Variants in CDH13 observed in about 807,000 individuals in gnomAD.
CDH13 encodes the protein cadherin 13, also known as cadherin-13.
Under a neutral mutation model 63.8 loss-of-function variants are expected in CDH13, and 24 were observed. The ratio of observed to expected loss-of-function variants is 0.38; its 90% CI spans 0.27 to 0.53. The LOEUF (loss-of-function observed/expected upper bound fraction) is 0.53. CDH13 is among the 20% of genes least tolerant of loss of function. The pLI, the probability that CDH13 is intolerant of heterozygous loss-of-function variation, is 0.85. For missense variants in CDH13, 1,049 were observed against 903.1 expected (o/e 1.16, Z -2.07); for synonymous variants, 503 against 355.3 (o/e 1.42, Z -4.67).
intron 6 of CDH13, among the ~76,000 whole-genome samples, chr16:83,479,035 A>C (rs1161798563): frequency 6.6e-6 from 1 of 152,160 alleles, no homozygotes; most frequent in Non-Finnish European, 1.5e-5. Context: ...GATCCCTATC[A>C]GGTTGGTTGG....
At chr16:82,803,340 C>A (rs550465234) in intron 1 of CDH13, among the ~76,000 whole-genome samples, 9 of 152,132 alleles carry the variant, frequency 5.9e-5, no homozygotes, top group Non-Finnish European at 1.3e-4. Context: ...ATTTATTGGG[C>A]CTTCTTTATC....
At chr16:83,421,154 C>T (rs980521034) in intron 6 of CDH13, among the ~76,000 whole-genome samples, 4 of 151,826 alleles carry the variant, frequency 2.6e-5, no homozygotes, top group Non-Finnish European at 4.4e-5. Context: ...TATTCCAGTA[C>T]TGGAGGAGAA....
rs153648 is a variant in CDH13, at chr16:83,779,639, A to G, written c.1682-329A>G. On this transcript the variant is annotated intron_variant, in intron 11 of 13. Coordinates refer to ENST00000567109, the MANE Select transcript of CDH13 (RefSeq NM_001257.5). ...GGAGTTTGAAATCAGCCTGGGTAAC[A>G]TAGTGAGACACCGTCTCTACAAAAA... 0.26 allele frequency among the ~76,000 whole-genome samples: 39,747 copies of G among 151,878 alleles called. 5,525 individuals carry two copies. The highest frequency in any genetic ancestry group is 0.31 in the Non-Finnish European group (21,289 of 67,932).
intron 4 of CDH13, among the ~76,000 whole-genome samples, chr16:83,201,554 G>C (rs1011700989): frequency 2.6e-5 from 4 of 152,032 alleles, no homozygotes; most frequent in African/African-American, 9.7e-5. Context: ...AAGGGGGCTG[G>C]GATACTTCAG....
At chr16:83,342,133 T>C (rs1363217975) in intron 5 of CDH13, among the ~76,000 whole-genome samples, 3 of 152,100 alleles carry the variant, frequency 2.0e-5, no homozygotes, top group African/African-American at 7.2e-5. Context: ...CTCAAAACGT[T>C]CCTAGTTTGA....
intron 7 of CDH13, among the ~76,000 whole-genome samples, chr16:83,556,965 G>A (rs553057005): frequency 6.6e-6 from 1 of 152,144 alleles, no homozygotes; most frequent in Non-Finnish European, 1.5e-5. Flanking sequence ...CTACATAAGG[G>A]GTCCCCGACC....
Position 82,647,914 on chromosome 16 carries a change from T to A in CDH13, c.45+20777T>A, listed in dbSNP as rs573154085. ...CCCATGTGTCATGGGAGGGACCCTG[T>A]CGGGGGTAACTGAAGCTTAGGGGCA... On this transcript the variant is annotated intron_variant, in intron 1 of 13. Coordinates refer to ENST00000567109, the MANE Select transcript of CDH13 (RefSeq NM_001257.5). Among the ~76,000 whole-genome samples, 718 of 152,276 alleles carry A rather than the reference T, an allele frequency of 4.7e-3. 6 individuals are homozygous for A. Among genetic ancestry groups the A allele is most frequent in the Non-Finnish European group, 7.2e-3 (489 of 68,016 alleles).
chr16:83,575,959 C>T (rs141505686), intron 7 of CDH13, among the ~76,000 whole-genome samples: 215 of 152,220 alleles, frequency 1.4e-3, no homozygotes, highest in Admixed American at 2.4e-3. Context: ...AAATTAACCA[C>T]GTTAAAGTGA....
At chr16:83,032,555 A>G (rs572934560) in intron 3 of CDH13, among the ~76,000 whole-genome samples, 228 of 152,198 alleles carry the variant, frequency 1.5e-3, no homozygotes, top group Non-Finnish European at 2.5e-3. Context: ...AGACAGTCAC[A>G]TCTCTCCCTG....
chr16:83,131,724 C>A (rs1389200166), intron 4 of CDH13, among the ~76,000 whole-genome samples: 1 of 152,154 alleles, frequency 6.6e-6, no homozygotes, highest in Non-Finnish European at 1.5e-5. Flanking sequence ...GCTTTCATCA[C>A]AAACCCTTTT....
At chr16:83,160,875 G>C (rs1014357540) in intron 4 of CDH13, among the ~76,000 whole-genome samples, 16 of 152,170 alleles carry the variant, frequency 1.1e-4, no homozygotes, top group Admixed American at 9.8e-4. Flanking sequence ...ACAAGTGTTT[G>C]TCTGGGATGT....
In CDH13 at chr16:83,471,253, G is replaced by A. The variant is rs1321589985; in HGVS notation, c.782-15224G>A. Among the ~76,000 whole-genome samples, 5 of 147,848 alleles carry A rather than the reference G, an allele frequency of 3.4e-5. No homozygotes were observed. The East Asian group carries it at 1.0e-3, about 30-fold the overall frequency. ...GGGATTAGGATATAGGAATGTTTGG[G>A]ACCATTATTTTTCTAACCACCCTTT... is the stretch of plus-strand genomic sequence containing the variant. On this transcript the variant is annotated intron_variant, in intron 6 of 13. Coordinates refer to ENST00000567109, the MANE Select transcript of CDH13 (RefSeq NM_001257.5).
intron 1 of CDH13, among the ~76,000 whole-genome samples, chr16:82,802,507 A>G (rs1297207190): frequency 1.3e-5 from 2 of 152,188 alleles, no homozygotes; most frequent in African/African-American, 4.8e-5. Context: ...TATCAGGGAC[A>G]GATAGGTCCC....
intron 4 of CDH13, among the ~76,000 whole-genome samples, chr16:83,158,544 G>C (rs1202346714): frequency 6.6e-6 from 1 of 152,218 alleles, no homozygotes; most frequent in Non-Finnish European, 1.5e-5. Flanking sequence ...GGAGTGACCA[G>C]TGCTGACTCA....
intron 1 of CDH13, among the ~76,000 whole-genome samples, chr16:82,827,871 C>T (rs535166026): frequency 6.6e-6 from 1 of 152,212 alleles, no homozygotes; most frequent in Admixed American, 6.5e-5. Flanking sequence ...CCAGAAGTGC[C>T]TGGTCATTCA....
At chr16:82,950,454 G>A (rs1431377669) in intron 2 of CDH13, among the ~76,000 whole-genome samples, 1 of 152,132 alleles carries the variant, frequency 6.6e-6, no homozygotes, top group Non-Finnish European at 1.5e-5. Flanking sequence ...AATCATGGGG[G>A]TGGTTTCTAC....
chr16:83,286,431 A>G (rs1343016867), intron 5 of CDH13, among the ~76,000 whole-genome samples: 1 of 152,174 alleles, frequency 6.6e-6, no homozygotes, highest in Non-Finnish European at 1.5e-5. Context: ...AGCTTTACAG[A>G]TGTACAAATT....
intron 2 of CDH13, among the ~76,000 whole-genome samples, chr16:82,909,318 G>A (rs1028543279): frequency 1.3e-5 from 2 of 150,008 alleles, no homozygotes; most frequent in Non-Finnish European, 3.0e-5. Flanking sequence ...TTGTGATCTA[G>A]AAGTGTTAAA....
intron 7 of CDH13, among the ~76,000 whole-genome samples, chr16:83,497,989 A>G (rs1195068126): frequency 6.6e-6 from 1 of 152,256 alleles, no homozygotes; most frequent in Middle Eastern, 3.2e-3. Context: ...ATTAAGAAAC[A>G]GGCAACCTCA....
Sources: gnomAD v4.1 joint callset for allele counts (sites outside exome capture counted in the v4.1 genomes callset) on GRCh38, gnomAD v4.1.1 for gene constraint, MANE v1.5 for transcripts, NCBI Gene and HGNC (gene_info 2026-07-23, HGNC 2026-07-21) for gene names.